Variants in CDRT4 observed in about 807,000 individuals in gnomAD.
CDRT4 encodes the protein CMT1A duplicated region transcript 4, also known as CMT1A duplicated region transcript 4 protein.
For missense variants in CDRT4, 167 were observed against 193.1 expected (o/e 0.87, Z 0.80); for synonymous variants, 64 against 69.6 (o/e 0.92, Z 0.40).
At chr17:15,454,065 G>C (rs1175930330) in intron 1 of CDRT4, among the ~76,000 whole-genome samples, 1 of 152,152 alleles carries the variant, frequency 6.6e-6, no homozygotes, top group Non-Finnish European at 1.5e-5. Flanking sequence ...TTAGTACCAA[G>C]ACACATCTTG....
chr17:15,448,100 C>T (rs770145268), intron 2 of CDRT4, among the ~76,000 whole-genome samples: 13 of 152,156 alleles, frequency 8.5e-5, no homozygotes, highest in Non-Finnish European at 1.8e-4. Flanking sequence ...ACCTGGAGAA[C>T]ACTTCAGGGA....
At chr17:15,438,542 T>C (rs955185408) in intron 3 of CDRT4, among the ~76,000 whole-genome samples, 2 of 152,176 alleles carry the variant, frequency 1.3e-5, no homozygotes, top group African/African-American at 2.4e-5. Flanking sequence ...AAGAAAGTAA[T>C]ATATTTCAAG....
At chr17:15,461,803 AG>A (rs1979761191) in intron 1 of CDRT4, among the ~76,000 whole-genome samples, 1 of 152,236 alleles carries the variant, frequency 6.6e-6, no homozygotes, top group African/African-American at 2.4e-5. Flanking sequence ...AGGTATCAGT[AG>A]GTACTTCTTG....
chr17:15,444,981 C>A (rs1217221664), intron 2 of CDRT4, among the ~76,000 whole-genome samples: 1 of 152,182 alleles, frequency 6.6e-6, no homozygotes, highest in Non-Finnish European at 1.5e-5. Context: ...TCATGCAAAT[C>A]TAATGATCTC....
chr17:15,437,702 A>C lies in CDRT4; in HGVS notation c.*71T>G. The stretch of plus-strand genomic sequence containing the variant: ...TCAAGTGAGTGGTAAATGGAGCTTA[A>C]CTTTTGTACGTTCTTGGGGAATGGC... On this transcript the variant is annotated 3_prime_UTR_variant, in exon 4 of 4. Coordinates refer to ENST00000619038, the MANE Select transcript of CDRT4 (RefSeq NM_001204477.2). The C allele has an allele frequency of 6.7e-7, 1 of 1,483,796 alleles. No individual in the cohort carries two copies. Among genetic ancestry groups the C allele is most frequent in the African/African-American group, 1.4e-5 (1 of 71,780 alleles). 91.9% of individuals were successfully genotyped at this position (1,483,796 alleles called of 1,614,324 possible).
Position 15,438,045 on chromosome 17 carries a change from AGGGTCTTTCCTCGAGGGCACGC to A in CDRT4, c.165_186del (p.Met55IlefsTer53), listed in dbSNP as rs760237915. The A allele has an allele frequency of 1.9e-6, 3 of 1,614,130 alleles. No homozygotes were observed. The highest frequency in any genetic ancestry group is 2.5e-6 in the Non-Finnish European group (3 of 1,180,036). Reference sequence around the variant, plus strand: ...GAAGGTTTATTCTGCCTTGATGCCCAGGGTCTTTCCTCGAGGGCACGCATGCATTCCAGTTCTCTAGTTTTGC... The same window carrying A: ...GAAGGTTTATTCTGCCTTGATGCCCAATGCATTCCAGTTCTCTAGTTTTGC... On this transcript the variant is annotated frameshift_variant, in exon 4 of 4. Coordinates refer to ENST00000619038, the MANE Select transcript of CDRT4 (RefSeq NM_001204477.2). LOFTEE classifies it low-confidence loss of function (END_TRUNC).
chr17:15,439,224 G>C, intron 3 of CDRT4: 2 of 453,420 alleles, frequency 4.4e-6, no homozygotes, highest in Non-Finnish European at 8.9e-6. Context: ...GAGTTTTGCA[G>C]GGAGGAGAGT....
chr17:15,444,714 CAGAG>C (rs59581257), intron 2 of CDRT4, among the ~76,000 whole-genome samples: 1,833 of 135,682 alleles, frequency 0.014, 16 homozygotes, highest in African/African-American at 0.024. Context: ...TAGCCAAGCG[CAGAG>C]AGAGAGAGAG....
intron 3 of CDRT4, among the ~76,000 whole-genome samples, chr17:15,439,831 T>C (rs1436355623): frequency 6.6e-6 from 1 of 151,660 alleles, no homozygotes; most frequent in Non-Finnish European, 1.5e-5. Flanking sequence ...CAGCAAACTA[T>C]CACAAGGACA....
intron 1 of CDRT4, among the ~76,000 whole-genome samples, chr17:15,457,257 G>A (rs76186646): frequency 0.013 from 1,977 of 152,244 alleles, 38 homozygotes; most frequent in African/African-American, 0.044. Flanking sequence ...TTATGAGCCC[G>A]ACTTCTGGGT....
At chr17:15,444,475 G>T (rs1416923709) in intron 2 of CDRT4, among the ~76,000 whole-genome samples, 2 of 152,112 alleles carry the variant, frequency 1.3e-5, no homozygotes, top group African/African-American at 4.8e-5. Context: ...ATTTCTCTGT[G>T]CAGCAAAATT....
At chr17:15,441,120 G>A (rs568765254) in intron 2 of CDRT4, among the ~76,000 whole-genome samples, 1 of 152,170 alleles carries the variant, frequency 6.6e-6, no homozygotes, top group East Asian at 1.9e-4. Flanking sequence ...CATCTCTTTG[G>A]CCTTTAAGCA....
intron 3 of CDRT4, among the ~76,000 whole-genome samples, chr17:15,438,726 T>C (rs1332725258): frequency 3.3e-5 from 5 of 152,200 alleles, no homozygotes; most frequent in African/African-American, 4.8e-5. Context: ...TTCATGGAAC[T>C]TTCTTGTGGA....
At position 15,436,410 on chromosome 17, in the gene CDRT4, A is replaced by C. The variant is rs563744003; in HGVS notation, c.*1363T>G. The stretch of plus-strand genomic sequence containing the variant: ...CAAATACACATACAGAAACTCAGGT[A>C]AGGTCAGCCTTACTCAGTAGATAAA... On this transcript the variant is annotated 3_prime_UTR_variant, in exon 4 of 4. Coordinates refer to ENST00000619038, the MANE Select transcript of CDRT4 (RefSeq NM_001204477.2). The C allele has an allele frequency of 5.2e-5, 8 of 152,392 alleles. No homozygotes were observed. The East Asian group carries it at 1.5e-3, about 29-fold the overall frequency. The allele number at this position is 152,392 out of a possible 1,614,324, so 9.4% of individuals were successfully genotyped here. A position where few individuals can be genotyped will look rare whatever the true frequency, so the allele number is the denominator to read the frequency against.
rs1257723909 is a variant in CDRT4, at chr17:15,436,143, T to C, written c.*1630A>G. The C allele has an allele frequency of 2.0e-5, 3 of 152,182 alleles. No homozygotes were observed. The highest frequency in any genetic ancestry group is 4.4e-5 in the Non-Finnish European group (3 of 68,032). 9.4% of individuals were successfully genotyped at this position (152,182 alleles called of 1,614,324 possible). Reference sequence around the variant, plus strand: ...TCGAAGAATTCATTCTGGCCAACAGTTGGGAACCAATAACAGGTCTAGAGC... The same window carrying C: ...TCGAAGAATTCATTCTGGCCAACAGCTGGGAACCAATAACAGGTCTAGAGC... On this transcript the variant is annotated 3_prime_UTR_variant, in exon 4 of 4. Coordinates refer to ENST00000619038, the MANE Select transcript of CDRT4 (RefSeq NM_001204477.2).
chr17:15,441,319 G>A (rs1355871116), intron 2 of CDRT4, among the ~76,000 whole-genome samples: 8 of 152,170 alleles, frequency 5.3e-5, no homozygotes, highest in Non-Finnish European at 7.3e-5. Flanking sequence ...GAGACCTTGT[G>A]CAACCACAGA....
chr17:15,456,895 G>A (rs933257795), intron 1 of CDRT4, among the ~76,000 whole-genome samples: 7 of 152,178 alleles, frequency 4.6e-5, no homozygotes, highest in African/African-American at 1.4e-4. Context: ...TTTGTTTTCT[G>A]AAGCTCTCTG....
intron 2 of CDRT4, among the ~76,000 whole-genome samples, chr17:15,448,241 G>C (rs916498086): frequency 6.6e-6 from 1 of 152,100 alleles, no homozygotes; most frequent in Non-Finnish European, 1.5e-5. Context: ...ATTTTACCTA[G>C]AAGAAGCCCC....
intron 2 of CDRT4, among the ~76,000 whole-genome samples, chr17:15,447,994 C>T (rs1979100886): frequency 6.6e-6 from 1 of 152,164 alleles, no homozygotes; most frequent in African/African-American, 2.4e-5. Flanking sequence ...CCTGACAGCT[C>T]CTGAGCAGTG....
Sources: gnomAD v4.1 joint callset for allele counts (sites outside exome capture counted in the v4.1 genomes callset) on GRCh38, gnomAD v4.1.1 for gene constraint, MANE v1.5 for transcripts, NCBI Gene and HGNC (gene_info 2026-07-23, HGNC 2026-07-21) for gene names.